Variants in TBC1D5 observed in about 807,000 individuals in gnomAD.
TBC1D5 encodes TBC1 domain family member 5.
Under a neutral mutation model 100.3 loss-of-function variants are expected in TBC1D5, and 75 were observed. That is an observed-to-expected ratio of 0.75 (90% CI 0.62 to 0.91). The LOEUF (loss-of-function observed/expected upper bound fraction) is 0.91. TBC1D5 is among the 40% of genes least tolerant of loss of function. The pLI is 0.00. For synonymous variants in TBC1D5, 323 were observed against 325.6 expected (o/e 0.99, Z 0.09); for missense variants, 910 against 942.4 (o/e 0.97, Z 0.45).
chr3:17,686,401 C>T (rs1007424156), intron 1 of TBC1D5, among the ~76,000 whole-genome samples: 26 of 152,052 alleles, frequency 1.7e-4, no homozygotes, highest in African/African-American at 6.0e-4. Flanking sequence ...TTTTGACACA[C>T]TGAAGGGACT....
intron 2 of TBC1D5, among the ~76,000 whole-genome samples, chr3:17,585,051 A>G (rs1009162834): frequency 3.9e-5 from 6 of 152,160 alleles, no homozygotes; most frequent in Admixed American, 2.0e-4. Flanking sequence ...TCAGCCTCCC[A>G]AAGTGCTGGG....
chr3:17,716,524 T>G (rs2075254763), intron 1 of TBC1D5, among the ~76,000 whole-genome samples: 1 of 152,092 alleles, frequency 6.6e-6, no homozygotes, highest in South Asian at 2.1e-4. Context: ...TCAAGACAAA[T>G]GCAACTAATC....
At chr3:17,443,344 T>C (rs541694726) in intron 3 of TBC1D5, among the ~76,000 whole-genome samples, 1 of 152,310 alleles carries the variant, frequency 6.6e-6, no homozygotes, top group South Asian at 2.1e-4. Flanking sequence ...TGACACCAAG[T>C]AGCCATAAAA....
At chr3:17,419,569 C>T (rs1401618539) in intron 4 of TBC1D5, among the ~76,000 whole-genome samples, 1 of 152,194 alleles carries the variant, frequency 6.6e-6, no homozygotes, top group Admixed American at 6.6e-5. Flanking sequence ...ACATGTTGCT[C>T]GCCTCCCTGA....
chr3:17,502,056 C>A lies in TBC1D5; in HGVS notation c.97+6418G>T, dbSNP rs1308501798. 2.0e-5 allele frequency among the ~76,000 whole-genome samples: 3 copies of A among 149,384 alleles called. 1 individual carries two copies. The highest frequency in any genetic ancestry group is 7.6e-5 in the African/African-American group (3 of 39,294). ...ATCTAAACACCTCCTTTTCTTTTTC[C>A]CTTCTATGATTACAACAGACAATAA... On this transcript the variant is annotated intron_variant, in intron 3 of 21. Transcript: ENST00000253692.
At chr3:17,363,318 C>A in intron 13 of TBC1D5, among the ~76,000 whole-genome samples, 1 of 151,872 alleles carries the variant, frequency 6.6e-6, no homozygotes, top group Non-Finnish European at 1.5e-5. Context: ...TCAAATAATC[C>A]AATTGGTCAG....
exon 6 of TBC1D5, chr3:17,404,929 A>G (rs1248369149): frequency 1.9e-6 from 3 of 1,599,880 alleles, no homozygotes; most frequent in African/African-American, 2.7e-5. Context: ...TTATCCATTG[A>G]CTTTTGTCTT....
Position 17,595,808 on chromosome 3 carries a change from A to T in TBC1D5, c.-36+28041T>A, listed in dbSNP as rs146800070. Among the ~76,000 whole-genome samples the T allele has an allele frequency of 4.2e-4, 64 of 152,306 alleles. No homozygotes were observed. The East Asian group carries it at 7.1e-3, about 17-fold the overall frequency. Reference sequence around the variant, plus strand: ...GTCAAGAGTCTGAGCTTTAAAATAAATCAATCTTAGTTACAATCCTGGCCA... The same window carrying T: ...GTCAAGAGTCTGAGCTTTAAAATAATTCAATCTTAGTTACAATCCTGGCCA... On this transcript the variant is annotated intron_variant, in intron 2 of 21. Transcript: ENST00000253692.
rs1037161154 is a variant in TBC1D5, at chr3:17,439,637, CTA to C, written c.98-11120_98-11119del. 1.7e-3 allele frequency among the ~76,000 whole-genome samples: 255 copies of C among 151,920 alleles called. 2 individuals are homozygous for C. The highest frequency in any genetic ancestry group is 5.9e-3 in the African/African-American group (246 of 41,466). On this transcript the variant is annotated intron_variant, in intron 3 of 21. Transcript: ENST00000253692. ...AAATGTCTTATTTTACAAATTTTTG[CTA>C]TGACATTAAGGAATTACTGTACTGT...
chr3:17,326,023 G>C (rs185640320), intron 13 of TBC1D5, among the ~76,000 whole-genome samples: 232 of 152,212 alleles, frequency 1.5e-3, no homozygotes, highest in African/African-American at 5.4e-3. Context: ...TGGTGAAGTA[G>C]ATAAATTCTC....
At chr3:17,628,581 A>G (rs924170365) in intron 1 of TBC1D5, among the ~76,000 whole-genome samples, 3 of 152,222 alleles carry the variant, frequency 2.0e-5, no homozygotes, top group African/African-American at 4.8e-5. Flanking sequence ...AACGTTTTCC[A>G]GAGTGTAACT....
chr3:17,238,181 G>A (rs763383261), exon 17 of TBC1D5: 2 of 1,613,810 alleles, frequency 1.2e-6, no homozygotes, highest in Admixed American at 1.7e-5. Context: ...AATTGCACAG[G>A]CATGCTTTCT....
intron 13 of TBC1D5, among the ~76,000 whole-genome samples, chr3:17,352,452 A>T (rs534365406): frequency 2.0e-4 from 30 of 151,998 alleles, no homozygotes; most frequent in African/African-American, 7.0e-4. Flanking sequence ...AGAGAAATAA[A>T]TTTTTTAAAA....
intron 3 of TBC1D5, among the ~76,000 whole-genome samples, chr3:17,442,365 T>A (rs762662371): frequency 2.6e-4 from 39 of 152,220 alleles, no homozygotes; most frequent in Non-Finnish European, 3.7e-4. Flanking sequence ...ATAAGAAAAC[T>A]GCAGAAAAGG....
At chr3:17,667,667 G>T (rs2153769429) in intron 1 of TBC1D5, among the ~76,000 whole-genome samples, 1 of 152,006 alleles carries the variant, frequency 6.6e-6, no homozygotes, top group African/African-American at 2.4e-5. Flanking sequence ...GCCCAGGCTG[G>T]TCTCAAACTC....
intron 2 of TBC1D5, among the ~76,000 whole-genome samples, chr3:17,522,512 C>G (rs1359190271): frequency 6.6e-6 from 1 of 151,994 alleles, no homozygotes; most frequent in Non-Finnish European, 1.5e-5. Context: ...CATAAAGGGT[C>G]TATGGTGATT....
chr3:17,373,550 C>G (rs534223534), intron 12 of TBC1D5, among the ~76,000 whole-genome samples: 4 of 152,146 alleles, frequency 2.6e-5, no homozygotes, highest in African/African-American at 7.2e-5. Context: ...CATGTTCATA[C>G]AAAGCTTGTA....
intron 1 of TBC1D5, among the ~76,000 whole-genome samples, chr3:17,698,399 G>A (rs2072517382): frequency 6.6e-6 from 1 of 151,600 alleles, no homozygotes; most frequent in South Asian, 2.1e-4. Flanking sequence ...AATTCAAGAT[G>A]GATTAAAGAC....
chr3:17,725,389 ATT>A (rs75092516), intron 1 of TBC1D5, among the ~76,000 whole-genome samples: 40 of 143,764 alleles, frequency 2.8e-4, no homozygotes, highest in Admixed American at 4.2e-4. Context: ...GCGAAGAAGT[ATT>A]TTTTTTTTTT....
Sources: gnomAD v4.1 joint callset for allele counts (sites outside exome capture counted in the v4.1 genomes callset) on GRCh38, gnomAD v4.1.1 for gene constraint, MANE v1.5 for transcripts, NCBI Gene and HGNC (gene_info 2026-07-23, HGNC 2026-07-21) for gene names.